Variants in GRID1 observed in about 807,000 individuals in gnomAD.
GRID1 encodes the protein glutamate ionotropic receptor delta type subunit 1, also known as glutamate receptor ionotropic, delta-1.
A neutral mutation model predicts 98.0 loss-of-function variants in GRID1; 28 were observed. The observed-to-expected ratio is 0.29, with a 90% CI of 0.21 to 0.39. GRID1 has a LOEUF of 0.39. Among genes scored for constraint, GRID1 ranks in the 10% least tolerant of loss-of-function variants. The probability of loss-of-function intolerance (pLI) is 1.00; values close to 1 mark genes in which losing one functional copy is unlikely to be tolerated. For missense variants in GRID1, 1,111 were observed against 1,340.5 expected, an observed-to-expected ratio of 0.83 and a Z score of 2.67; for synonymous variants, 553 against 538.5, an observed-to-expected ratio of 1.03 and a Z score of -0.37.
intron 4 of GRID1, among the ~76,000 whole-genome samples, chr10:86,047,212 T>C (rs745476364): frequency 9.2e-5 from 14 of 152,332 alleles, no homozygotes; most frequent in Non-Finnish European, 1.3e-4. Flanking sequence ...CTCATCTAAA[T>C]GACTCAGCCT....
intron 8 of GRID1, among the ~76,000 whole-genome samples, chr10:85,754,683 C>T (rs972268490): frequency 6.6e-6 from 1 of 152,146 alleles, no homozygotes; most frequent in African/African-American, 2.4e-5. Flanking sequence ...CTTCTCATTT[C>T]CTTGACTTAC....
At chr10:85,634,003 C>G (rs892953794) in intron 13 of GRID1, among the ~76,000 whole-genome samples, 1 of 151,998 alleles carries the variant, frequency 6.6e-6, no homozygotes, top group Non-Finnish European at 1.5e-5. Context: ...GAAACCCTGT[C>G]TCTACTAAAA....
intron 8 of GRID1, among the ~76,000 whole-genome samples, chr10:85,846,798 T>C (rs1413757413): frequency 1.3e-5 from 2 of 152,214 alleles, no homozygotes; most frequent in African/African-American, 4.8e-5. Flanking sequence ...TCCAGTGAAC[T>C]GCAAGATTTT....
chr10:85,656,015 C>T (rs1840891283), intron 12 of GRID1, among the ~76,000 whole-genome samples: 1 of 151,878 alleles, frequency 6.6e-6, no homozygotes, highest in Admixed American at 6.6e-5. Context: ...TGTGAGATGA[C>T]ATCCTCCTCC....
intron 4 of GRID1, among the ~76,000 whole-genome samples, chr10:86,046,269 T>C (rs555415289): frequency 6.6e-6 from 1 of 152,308 alleles, no homozygotes; most frequent in South Asian, 2.1e-4. Context: ...CCCGAACTGC[T>C]CTGAGCTGCT....
At chr10:85,731,863 GGGAGGAAGGGAT>G (rs1313609900) in intron 8 of GRID1, among the ~76,000 whole-genome samples, 1 of 143,598 alleles carries the variant, frequency 7.0e-6, no homozygotes, top group African/African-American at 2.7e-5. Context: ...AAGAAAGGGA[GGGAGGAAGGGAT>G]AAAGAAAGGG....
rs113096334 is a variant in GRID1 at position 85,946,876 on chromosome 10, A to G, written c.727-30637T>C. 4.1e-3 allele frequency among the ~76,000 whole-genome samples: 630 copies of G among 152,288 alleles called. 5 individuals carry two copies. Among genetic ancestry groups the G allele is most frequent in the African/African-American group, 0.015 (603 of 41,552 alleles). ...GTGACCTGAGAGTCAGGGACAGGCC[A>G]ATAGTAGGTGAATATGAGAAGCACA... On this transcript the variant is annotated intron_variant, in intron 4 of 15. Transcript: ENST00000327946.
rs555916594 is a variant in GRID1 at position 86,036,190 on chromosome 10, G to A, written c.726+102629C>T. 2.1e-3 allele frequency among the ~76,000 whole-genome samples: 322 copies of A among 152,316 alleles called. 1 individual carries two copies. Among genetic ancestry groups the A allele is most frequent in the Middle Eastern group, 0.01 (3 of 294 alleles). On this transcript the variant is annotated intron_variant, in intron 4 of 15. Coordinates refer to ENST00000327946, the MANE Select transcript of GRID1 (RefSeq NM_017551.3). The stretch of plus-strand genomic sequence containing the variant: ...CTAAGCCCTGGGCAGACTGGTACTG[G>A]GTGGCTACGACAAGGGACATTACCA...
At chr10:86,191,068 C>G (rs780278657) in intron 3 of GRID1, among the ~76,000 whole-genome samples, 6 of 152,194 alleles carry the variant, frequency 3.9e-5, no homozygotes, top group African/African-American at 1.4e-4. Flanking sequence ...CTGAATCGCA[C>G]AATAAGCATC....
At chr10:85,633,368 A>C (rs549830868) in intron 13 of GRID1, among the ~76,000 whole-genome samples, 4 of 152,350 alleles carry the variant, frequency 2.6e-5, no homozygotes, top group African/African-American at 7.2e-5. Context: ...CAGTTCTTTC[A>C]GACCCAAATC....
At chr10:85,758,686 G>A (rs753456667) in intron 8 of GRID1, among the ~76,000 whole-genome samples, 5 of 152,204 alleles carry the variant, frequency 3.3e-5, no homozygotes, top group Non-Finnish European at 7.3e-5. Context: ...GCAAAAGTGC[G>A]TGGGTACTGG....
At chr10:86,339,144 A>G (rs1249347120) in intron 2 of GRID1, among the ~76,000 whole-genome samples, 1 of 152,198 alleles carries the variant, frequency 6.6e-6, no homozygotes, top group Non-Finnish European at 1.5e-5. Context: ...GCCTGGCCCA[A>G]ACAAGACACC....
chr10:85,656,911 T>C (rs1840903763), intron 12 of GRID1, among the ~76,000 whole-genome samples: 1 of 152,204 alleles, frequency 6.6e-6, no homozygotes, highest in African/African-American at 2.4e-5. Context: ...TGCCAGATCA[T>C]GTCACCTCAT....
At chr10:85,772,230 C>T (rs1170257851) in intron 8 of GRID1, among the ~76,000 whole-genome samples, 7 of 152,020 alleles carry the variant, frequency 4.6e-5, no homozygotes, top group Non-Finnish European at 8.8e-5. Context: ...CTACTGGGTA[C>T]ATAACGAAAT....
chr10:85,842,534 A>G (rs1312010601), intron 8 of GRID1, among the ~76,000 whole-genome samples: 5 of 152,088 alleles, frequency 3.3e-5, no homozygotes, highest in Non-Finnish European at 5.9e-5. Context: ...ATAATAAAGA[A>G]AAGACAAATC....
At chr10:85,721,698 G>A (rs1841704426) in intron 12 of GRID1, among the ~76,000 whole-genome samples, 1 of 152,132 alleles carries the variant, frequency 6.6e-6, no homozygotes, top group African/African-American at 2.4e-5. Flanking sequence ...GAGTGTCAGG[G>A]GAAGAAATGT....
At chr10:85,751,686 T>G (rs1461213455) in intron 8 of GRID1, among the ~76,000 whole-genome samples, 4 of 152,076 alleles carry the variant, frequency 2.6e-5, no homozygotes, top group African/African-American at 9.7e-5. Flanking sequence ...ATATACACAT[T>G]TAATATTATA....
rs142298537 is a variant in GRID1 at position 85,969,448 on chromosome 10, A to G, written c.727-53209T>C. ...GACAGACTATGTGCTATGCCCTAAAACATGCCTCGATAAAAGTAAAAGGAT... is the reference window on the plus strand; with the variant it reads ...GACAGACTATGTGCTATGCCCTAAAGCATGCCTCGATAAAAGTAAAAGGAT... On this transcript the variant is annotated intron_variant, in intron 4 of 15. Coordinates refer to ENST00000327946, the MANE Select transcript of GRID1 (RefSeq NM_017551.3). Among the ~76,000 whole-genome samples, 6 of 152,266 alleles carry G rather than the reference A, an allele frequency of 3.9e-5. No individual in the cohort carries two copies. The East Asian group carries it at 1.2e-3, about 29-fold the overall frequency.
At chr10:86,231,460 C>T (rs144831550) in intron 2 of GRID1, among the ~76,000 whole-genome samples, 1 of 152,144 alleles carries the variant, frequency 6.6e-6, no homozygotes, top group African/African-American at 2.4e-5. Context: ...TCCAGACCCC[C>T]TAAGTGAACC....
Sources: allele counts gnomAD v4.1 joint callset (sites outside exome capture counted in the v4.1 genomes callset), GRCh38; gene constraint gnomAD v4.1.1; transcripts MANE v1.5; gene names NCBI Gene and HGNC (gene_info 2026-07-23, HGNC 2026-07-21).